CHSY1: variants seen among roughly 807,000 people sequenced by gnomAD.
CHSY1 encodes the protein chondroitin sulfate synthase 1.
Under a neutral mutation model 59.8 loss-of-function variants are expected in CHSY1, and 13 were observed. The observed-to-expected ratio is 0.22, with a 90% CI of 0.14 to 0.35. The LOEUF (loss-of-function observed/expected upper bound fraction) is 0.35. Among genes scored for constraint, CHSY1 ranks in the 10% least tolerant of loss-of-function variants. The pLI, the probability that CHSY1 is intolerant of heterozygous loss-of-function variation, is 1.00. For missense variants in CHSY1, 947 were observed against 1,030.6 expected (o/e 0.92, Z 1.11); for synonymous variants, 459 against 401.2 (o/e 1.14, Z -1.72).
intron 2 of CHSY1, among the ~76,000 whole-genome samples, chr15:101,191,911 A>T (rs1160131868): frequency 6.6e-6 from 1 of 152,190 alleles, no homozygotes; most frequent in Non-Finnish European, 1.5e-5. Flanking sequence ...CTAAGCAAAA[A>T]AAAAAAATTT....
At chr15:101,212,296 G>A (rs947157752) in intron 2 of CHSY1, among the ~76,000 whole-genome samples, 3 of 152,104 alleles carry the variant, frequency 2.0e-5, no homozygotes, top group Admixed American at 1.3e-4. Context: ...TCCTCTGACC[G>A]AGCAATTCCA....
chr15:101,222,587 C>T (rs571640926), intron 2 of CHSY1, among the ~76,000 whole-genome samples: 1 of 152,182 alleles, frequency 6.6e-6, no homozygotes. Flanking sequence ...AGTAATCCCA[C>T]CTCCTTGGTC....
intron 2 of CHSY1, among the ~76,000 whole-genome samples, chr15:101,192,339 G>A (rs766903083): frequency 3.9e-5 from 6 of 152,170 alleles, no homozygotes; most frequent in Non-Finnish European, 5.9e-5. Context: ...CAGAAGAGAC[G>A]TGTCATGCCC....
At chr15:101,207,934 C>T (rs764583821) in intron 2 of CHSY1, among the ~76,000 whole-genome samples, 5 of 152,144 alleles carry the variant, frequency 3.3e-5, no homozygotes, top group Non-Finnish European at 5.9e-5. Flanking sequence ...AGCCTTGGGG[C>T]GTCAGGTAGG....
intron 1 of CHSY1, among the ~76,000 whole-genome samples, chr15:101,236,553 G>A (rs2038944804): frequency 6.6e-6 from 1 of 152,236 alleles, no homozygotes; most frequent in African/African-American, 2.4e-5. Context: ...CGGGCATGGT[G>A]GCTCAAGCCT....
Position 101,208,542 on chromosome 15 carries a change from G to A in CHSY1, c.816+26540C>T, listed in dbSNP as rs550048097. 9.9e-5 allele frequency among the ~76,000 whole-genome samples: 15 copies of A among 152,060 alleles called. No individual in the cohort carries two copies. In the East Asian group the frequency reaches 1.9e-3, roughly 20 times the overall value. ...AGCCTGACCAACATGGTGAAACCCC[G>A]TCTCTACTAAAAATACAAAAATTAG... On this transcript the variant is annotated intron_variant, in intron 2 of 2. Coordinates refer to ENST00000254190, the MANE Select transcript of CHSY1 (RefSeq NM_014918.5).
chr15:101,191,417 G>T (rs1228348312), intron 2 of CHSY1, among the ~76,000 whole-genome samples: 3 of 152,220 alleles, frequency 2.0e-5, no homozygotes, highest in Non-Finnish European at 4.4e-5. Context: ...AGGGGTTACA[G>T]GGGAAGGAAG....
rs1207884455 is a variant in CHSY1 at position 101,251,440 on chromosome 15, C to G, written c.17G>C (p.Arg6Pro). 7 of 1,060,206 alleles carry G rather than the reference C, an allele frequency of 6.6e-6. No homozygotes were observed. Among genetic ancestry groups the G allele is most frequent in the Non-Finnish European group, 8.0e-6 (7 of 871,556 alleles). The allele number at this position is 1,060,206 out of a possible 1,614,324, so 65.7% of individuals were successfully genotyped here. A position where few individuals can be genotyped will look rare whatever the true frequency, so the allele number is the denominator to read the frequency against. ...GAGCAGCACGCTGAGCCAGGCGCGC[C>G]GGCCGCGCGCGGCCATGCCCGCGCC... MAARGRRAWLSVLLGL... is the reference protein window; with the variant it reads MAARGPRAWLSVLLGL... Residue 6 changes from arginine (R) to proline (P), a missense_variant, in exon 1 of 3, where the codon CGG becomes CCG. By Grantham distance (103) the Arg-to-Pro change is moderately radical. This residue lies in a region of CHSY1 where 232 missense variants were observed against 188.5 expected (regional missense o/e 1.23). Coordinates refer to ENST00000254190, the MANE Select transcript of CHSY1 (RefSeq NM_014918.5).
At chr15:101,187,633 A>G (rs973803965) in intron 2 of CHSY1, 1 of 152,380 alleles carries the variant, frequency 6.6e-6, no homozygotes, top group Middle Eastern at 3.4e-3. Context: ...GAAAGTTAGA[A>G]GTACTGCAGA....
intron 2 of CHSY1, among the ~76,000 whole-genome samples, chr15:101,186,062 T>C (rs1269452111): frequency 2.0e-5 from 3 of 147,638 alleles, no homozygotes; most frequent in African/African-American, 2.5e-5. Context: ...TTAAGTAGTA[T>C]AGTCAGGCCA....
In CHSY1 at chr15:101,194,356, G is replaced by A. The variant is rs530442427; in HGVS notation, c.817-15376C>T. ...AGCCTGTTTGTGTGTCCATGTGTAC[G>A]CACACATTTTACATGGGTACCTCAA... On this transcript the variant is annotated intron_variant, in intron 2 of 2. Coordinates refer to ENST00000254190, the MANE Select transcript of CHSY1 (RefSeq NM_014918.5). 5.9e-5 allele frequency among the ~76,000 whole-genome samples: 9 copies of A among 152,246 alleles called. No individual in the cohort carries two copies. In the East Asian group the frequency reaches 1.3e-3, roughly 23 times the overall value.
At chr15:101,190,273 TG>T (rs2038426979) in intron 2 of CHSY1, among the ~76,000 whole-genome samples, 1 of 48,850 alleles carries the variant, frequency 2.0e-5, no homozygotes. Flanking sequence ...GAAGGGTGGG[TG>T]GGGAAGGGAA....
intron 2 of CHSY1, among the ~76,000 whole-genome samples, chr15:101,189,212 A>G (rs1379479877): frequency 6.6e-6 from 1 of 152,182 alleles, no homozygotes; most frequent in Non-Finnish European, 1.5e-5. Flanking sequence ...CTTCTCTCCC[A>G]AGGTGTTTCT....
chr15:101,206,281 C>T (rs903595011), intron 2 of CHSY1, among the ~76,000 whole-genome samples: 3 of 152,100 alleles, frequency 2.0e-5, no homozygotes, highest in African/African-American at 7.2e-5. Context: ...CAAGGGAAAA[C>T]CCACCAGGTC....
At chr15:101,188,548 T>G (rs2038401246) in intron 2 of CHSY1, among the ~76,000 whole-genome samples, 1 of 152,032 alleles carries the variant, frequency 6.6e-6, no homozygotes, top group Non-Finnish European at 1.5e-5. Context: ...CGTTTTGTGT[T>G]TTAAAAACTG....
chr15:101,228,029 G>GT (rs1303669617), intron 2 of CHSY1, among the ~76,000 whole-genome samples: 3 of 152,014 alleles, frequency 2.0e-5, no homozygotes, highest in Non-Finnish European at 4.4e-5. Context: ...AAACAAGAAA[G>GT]TATGGCCCAT....
rs2038185308 is a variant in CHSY1 at position 101,176,169 on chromosome 15, A to G, written c.*1219T>C. On this transcript the variant is annotated 3_prime_UTR_variant, in exon 3 of 3. Transcript: ENST00000254190. ...CAGACTAAACACACTCCCGATACAC[A>G]TAAATAATACTAACTAACAGGTACT... 2.5e-6 allele frequency: 1 copy of G among 398,324 alleles called. No individual in the cohort carries two copies. The highest frequency in any genetic ancestry group is 4.4e-6 in the Non-Finnish European group (1 of 225,930). 24.7% of individuals were successfully genotyped at this position (398,324 alleles called of 1,614,324 possible). A position where few individuals can be genotyped will look rare whatever the true frequency, so the allele number is the denominator to read the frequency against.
At chr15:101,245,352 A>T (rs2039040100) in intron 1 of CHSY1, among the ~76,000 whole-genome samples, 2 of 148,218 alleles carry the variant, frequency 1.3e-5, no homozygotes, top group South Asian at 4.2e-4. Flanking sequence ...TCATCTTCCA[A>T]GACTCAGCTA....
intron 2 of CHSY1, among the ~76,000 whole-genome samples, chr15:101,225,623 C>T (rs573424405): frequency 6.6e-6 from 1 of 152,240 alleles, no homozygotes; most frequent in East Asian, 1.9e-4. Context: ...CCCTTGCTCC[C>T]ACTTGTGCCA....
Sources: allele counts gnomAD v4.1 joint callset (sites outside exome capture counted in the v4.1 genomes callset), GRCh38; gene constraint gnomAD v4.1.1; regional missense constraint gnomAD v4.1.1; transcripts MANE v1.5; gene names NCBI Gene and HGNC (gene_info 2026-07-23, HGNC 2026-07-21).